The following DPYD variants were observed in gnomAD, a reference collection of about 807,000 sequenced individuals.
DPYD encodes the protein dihydropyrimidine dehydrogenase [NADP(+)].
Under a neutral mutation model 116.2 loss-of-function variants are expected in DPYD, and 109 were observed. The ratio of observed to expected loss-of-function variants is 0.94; its 90% CI spans 0.80 to 1.10. The LOEUF (loss-of-function observed/expected upper bound fraction) is 1.10. Ranked by LOEUF, DPYD falls within the 50% of genes least tolerant of loss-of-function variation. The pLI, the probability that DPYD is intolerant of heterozygous loss-of-function variation, is 0.00. For missense variants in DPYD, 1,302 were observed against 1,254.5 expected, an observed-to-expected ratio of 1.04 and a Z score of -0.57; for synonymous variants, 440 against 432.0, an observed-to-expected ratio of 1.02 and a Z score of -0.23.
intron 8 of DPYD, among the ~76,000 whole-genome samples, chr1:97,599,576 G>T (rs1036452966): frequency 6.6e-6 from 1 of 152,016 alleles, no homozygotes; most frequent in African/African-American, 2.4e-5. Context: ...GATGCTTCCT[G>T]TCCTTGAAAG....
intron 20 of DPYD, among the ~76,000 whole-genome samples, chr1:97,109,005 C>T (rs566112715): frequency 9.2e-5 from 14 of 152,180 alleles, no homozygotes; most frequent in Admixed American, 2.0e-4. Flanking sequence ...GATCTTAGAA[C>T]GCAGAAACTA....
At chr1:97,525,978 A>AGTGAGTGT (rs1649052510) in intron 12 of DPYD, among the ~76,000 whole-genome samples, 1 of 138,118 alleles carries the variant, frequency 7.2e-6, no homozygotes, top group Non-Finnish European at 1.5e-5. Context: ...GGTAATTAAG[A>AGTGAGTGT]GTGTGTGTGT....
chr1:97,613,941 T>C (rs1258444872), intron 8 of DPYD, among the ~76,000 whole-genome samples: 1 of 152,066 alleles, frequency 6.6e-6, no homozygotes, highest in African/African-American at 2.4e-5. Flanking sequence ...TATCTAATTA[T>C]CTGGCTCACG....
chr1:97,236,233 C>T (rs959490293), intron 18 of DPYD, among the ~76,000 whole-genome samples: 4 of 152,082 alleles, frequency 2.6e-5, no homozygotes. Context: ...GCTTCACAAA[C>T]AACATAAACA....
chr1:97,632,419 T>G (rs765000449), intron 8 of DPYD, among the ~76,000 whole-genome samples: 17 of 152,150 alleles, frequency 1.1e-4, no homozygotes, highest in Non-Finnish European at 4.4e-5. Flanking sequence ...TGAGGTTTAT[T>G]TAATGATAAA....
chr1:97,852,241 G>C (rs549869826), intron 2 of DPYD, among the ~76,000 whole-genome samples: 1 of 152,102 alleles, frequency 6.6e-6, no homozygotes, highest in African/African-American at 2.4e-5. Flanking sequence ...TTTTCTCTTA[G>C]GTGGGATAAT....
chr1:97,151,339 T>C (rs964179446), intron 20 of DPYD, among the ~76,000 whole-genome samples: 1 of 152,150 alleles, frequency 6.6e-6, no homozygotes, highest in African/African-American at 2.4e-5. Context: ...ATCTCCAGTC[T>C]CTAGATGAGA....
chr1:97,753,776 AAAC>A (rs1486867353), intron 3 of DPYD, among the ~76,000 whole-genome samples: 2 of 152,124 alleles, frequency 1.3e-5, no homozygotes, highest in African/African-American at 4.8e-5. Context: ...AAGCAATTAG[AAAC>A]AACATTTATA....
intron 1 of DPYD, among the ~76,000 whole-genome samples, chr1:97,891,697 T>C (rs1005870843): frequency 2.0e-5 from 3 of 151,802 alleles, no homozygotes; most frequent in Admixed American, 6.6e-5. Flanking sequence ...ACAAAATCAC[T>C]AAATCTTAGG....
intron 18 of DPYD, among the ~76,000 whole-genome samples, chr1:97,253,697 G>A (rs1326689104): frequency 6.6e-6 from 1 of 152,058 alleles, no homozygotes; most frequent in Non-Finnish European, 1.5e-5. Context: ...CTTGTAATTA[G>A]AGACAGGGTA....
intron 1 of DPYD, among the ~76,000 whole-genome samples, chr1:97,906,078 G>C (rs900287955): frequency 1.3e-5 from 2 of 151,860 alleles, no homozygotes; most frequent in African/African-American, 4.8e-5. Flanking sequence ...TTCTAACTCT[G>C]CCAGCTCCTA....
At chr1:97,436,242 G>C (rs1024453235) in intron 14 of DPYD, among the ~76,000 whole-genome samples, 2 of 151,956 alleles carry the variant, frequency 1.3e-5, no homozygotes, top group Non-Finnish European at 2.9e-5. Context: ...TTACATTGGA[G>C]TTGAGATCGC....
intron 3 of DPYD, among the ~76,000 whole-genome samples, chr1:97,784,848 A>C (rs1046456916): frequency 6.6e-6 from 1 of 152,232 alleles, no homozygotes; most frequent in African/African-American, 2.4e-5. Context: ...AATAGACACT[A>C]ACAAAGGTAG....
At chr1:97,385,522 T>C (rs79425565) in intron 14 of DPYD, among the ~76,000 whole-genome samples, 1 of 97,368 alleles carries the variant, frequency 1.0e-5, no homozygotes, top group African/African-American at 2.8e-5. Flanking sequence ...AAAATTTTTT[T>C]CTTAAAAAAA....
At chr1:97,289,082 T>A (rs1665942371) in intron 18 of DPYD, among the ~76,000 whole-genome samples, 2 of 151,900 alleles carry the variant, frequency 1.3e-5, no homozygotes, top group African/African-American at 4.8e-5. Context: ...AACTAGAAAA[T>A]CTAGAAGAAA....
At chr1:97,877,847 G>T (rs965944991) in intron 2 of DPYD, among the ~76,000 whole-genome samples, 6 of 152,008 alleles carry the variant, frequency 3.9e-5, no homozygotes, top group Admixed American at 1.3e-4. Flanking sequence ...CCAGTAGCTG[G>T]CTATCCATGA....
rs370498401 is a variant in DPYD at position 97,316,675 on chromosome 1, T to C, written c.2059-10378A>G. ...CTGCCTTAGCTTTCATAATCCATTCTGCTTGTTTGAAGTCTAGTTCTCCCT... is the reference window on the plus strand; with the variant it reads ...CTGCCTTAGCTTTCATAATCCATTCCGCTTGTTTGAAGTCTAGTTCTCCCT... On this transcript the variant is annotated intron_variant, in intron 16 of 22. Coordinates refer to ENST00000370192, the MANE Select transcript of DPYD (RefSeq NM_000110.4). 3.3e-5 allele frequency among the ~76,000 whole-genome samples: 5 copies of C among 151,948 alleles called. No individual in the cohort carries two copies. In the East Asian group the frequency reaches 9.8e-4, roughly 30 times the overall value.
At chr1:97,849,073 G>T (rs925007331) in intron 2 of DPYD, among the ~76,000 whole-genome samples, 1 of 152,118 alleles carries the variant, frequency 6.6e-6, no homozygotes, top group Non-Finnish European at 1.5e-5. Context: ...AAAATTTAAT[G>T]ATTAGCTCTA....
chr1:97,165,501 T>C (rs1226906528), intron 20 of DPYD, among the ~76,000 whole-genome samples: 1 of 151,886 alleles, frequency 6.6e-6, no homozygotes, highest in Non-Finnish European at 1.5e-5. Flanking sequence ...CCATTCTAGA[T>C]ACAGGAATGG....
Sources: allele counts gnomAD v4.1 joint callset (sites outside exome capture counted in the v4.1 genomes callset), GRCh38; gene constraint gnomAD v4.1.1; transcripts MANE v1.5; gene names NCBI Gene and HGNC (gene_info 2026-07-23, HGNC 2026-07-21).